Variants in RFT1 observed in about 807,000 individuals in gnomAD.
RFT1 encodes the protein RFT1 glycolipid translocator homolog, also known as man(5)GlcNAc(2)-PP-dolichol translocation protein RFT1.
Under a neutral mutation model 62.2 loss-of-function variants are expected in RFT1, and 43 were observed. The observed-to-expected ratio is 0.69, with a 90% CI of 0.54 to 0.89. The LOEUF is 0.89. Among genes scored for constraint, RFT1 ranks in the 40% least tolerant of loss-of-function variants. RFT1 has a pLI of 0.00. For synonymous variants in RFT1, 262 were observed against 264.6 expected (o/e 0.99, Z 0.10); for missense variants, 605 against 649.9 (o/e 0.93, Z 0.75).
In RFT1 at chr3:53,108,169, C is replaced by T. The variant is rs564468257; in HGVS notation, c.776-1300G>A. ...ACATAAGAGATTCTCCTGCCTCAGC[C>T]TCCTGAGTAGCTGGGATTACAGGTG... On this transcript the variant is annotated intron_variant, in intron 7 of 12. Coordinates refer to ENST00000296292, the MANE Select transcript of RFT1 (RefSeq NM_052859.4). Among the ~76,000 whole-genome samples the T allele has an allele frequency of 1.1e-4, 17 of 152,206 alleles. No individual in the cohort carries two copies. In the South Asian group the frequency reaches 3.5e-3, roughly 32 times the overall value.
chr3:53,114,752 G>C (rs887794030), intron 6 of RFT1, among the ~76,000 whole-genome samples: 4 of 152,080 alleles, frequency 2.6e-5, no homozygotes. Flanking sequence ...TACTAACGGA[G>C]AAATGGCGGC....
chr3:53,117,340 C>T (rs543889261), intron 6 of RFT1, among the ~76,000 whole-genome samples: 1 of 152,288 alleles, frequency 6.6e-6, no homozygotes, highest in South Asian at 2.1e-4. Context: ...CGTAGGCCAA[C>T]AATCTCACTT....
At chr3:53,114,955 C>T (rs937976887) in intron 6 of RFT1, among the ~76,000 whole-genome samples, 1 of 152,162 alleles carries the variant, frequency 6.6e-6, no homozygotes, top group Admixed American at 6.5e-5. Context: ...CTGTCCACTG[C>T]CCTCTGTCAC....
At position 53,128,036 on chromosome 3, in the gene RFT1, A is replaced by G. The variant is rs1430733006; in HGVS notation, c.64-2042T>C. ...AAAAAATCCGAGCGCGGTAGCTCAC[A>G]CCTGTAATGCCAGCACTTCGGGAGG... On this transcript the variant is annotated intron_variant, in intron 1 of 12. Transcript: ENST00000296292. Among the ~76,000 whole-genome samples, 3 of 152,022 alleles carry G rather than the reference A, an allele frequency of 2.0e-5. No individual in the cohort carries two copies. In the East Asian group the frequency reaches 5.8e-4, roughly 29 times the overall value.
At chr3:53,097,975 GAATCAATTTAGAGGGT>G (rs1701191515) in intron 11 of RFT1, among the ~76,000 whole-genome samples, 1 of 152,182 alleles carries the variant, frequency 6.6e-6, no homozygotes, top group African/African-American at 2.4e-5. Context: ...ACTAGGCTGG[GAATCAATTTAGAGGGT>G]AATGGCATGG....
intron 10 of RFT1, 67 bp from the exon 11 acceptor site, chr3:53,099,553 G>A: frequency 8.0e-7 from 1 of 1,244,114 alleles, no homozygotes; most frequent in Non-Finnish European, 1.2e-6. Flanking sequence ...CCTCAGTGCT[G>A]CTGAGTACCC....
At chr3:53,110,156 A>T (rs1701605938) in intron 7 of RFT1, among the ~76,000 whole-genome samples, 1 of 152,214 alleles carries the variant, frequency 6.6e-6, no homozygotes, top group African/African-American at 2.4e-5. Context: ...CTTGGACTGG[A>T]TCCATTCCTT....
chr3:53,107,977 C>A (rs1452238578), intron 7 of RFT1, among the ~76,000 whole-genome samples: 2 of 152,208 alleles, frequency 1.3e-5, no homozygotes, highest in Non-Finnish European at 2.9e-5. Context: ...TCCTCACAGG[C>A]CTGTGTCTCT....
intron 11 of RFT1, among the ~76,000 whole-genome samples, chr3:53,096,712 T>C (rs1451737939): frequency 2.0e-5 from 3 of 152,084 alleles, no homozygotes; most frequent in South Asian, 2.1e-4. Context: ...ATTCAAAGGA[T>C]GTTTTAATAT....
At chr3:53,118,038 C>T (rs563775651) in intron 6 of RFT1, among the ~76,000 whole-genome samples, 1 of 152,312 alleles carries the variant, frequency 6.6e-6, no homozygotes, top group Non-Finnish European at 1.5e-5. Context: ...TACAGGTGCA[C>T]ACCACTATAC....
Position 53,125,924 on chromosome 3 carries a change from C to T in RFT1, c.134G>A (p.Gly45Asp), listed in dbSNP as rs900064783. Residue 45 changes from glycine to aspartate, a missense_variant, in exon 2 of 13, where the codon GGC (glycine) becomes GAC (aspartate). Transcript: ENST00000296292. ...ILRFLSKEIV[G>D]VVNVRLTLLY... The stretch of plus-strand genomic sequence containing the variant: ...CTCCTCCTACCTTACATTTACTACG[C>T]CAACGATTTCCTTTGACAGGAAGCG... 1.9e-6 allele frequency: 3 copies of T among 1,613,576 alleles called. No individual in the cohort carries two copies. The African/African-American group carries it at 4.0e-5, about 22-fold the overall frequency.
chr3:53,078,913 C>T, the RFT1 span, among the ~76,000 whole-genome samples: 1 of 152,160 alleles, frequency 6.6e-6, no homozygotes. Context: ...GGCCCTGGAG[C>T]AAGAGTGAGC....
chr3:53,103,171 A>G (rs1701365228), intron 10 of RFT1: 2 of 985,444 alleles, frequency 2.0e-6, no homozygotes, highest in Non-Finnish European at 2.4e-6. Flanking sequence ...GTGGAGACTA[A>G]AACATGCTAG....
At chr3:53,076,154 G>A in the RFT1 span, among the ~76,000 whole-genome samples, 6 of 152,176 alleles carry the variant, frequency 3.9e-5, no homozygotes, top group East Asian at 1.9e-4. Flanking sequence ...TGTGGCTGCC[G>A]CCCCACTGGG....
intron 7 of RFT1, 25 bp downstream of exon 7, chr3:53,111,805 C>A: frequency 2.5e-6 from 4 of 1,595,244 alleles, no homozygotes; most frequent in Non-Finnish European, 2.6e-6. Flanking sequence ...GGTCTCCCGA[C>A]GATTCAGAGT....
intron 2 of RFT1, among the ~76,000 whole-genome samples, chr3:53,124,837 C>T (rs186118163): frequency 2.6e-4 from 39 of 151,976 alleles, no homozygotes; most frequent in Non-Finnish European, 5.3e-4. Flanking sequence ...TCAGGTGTGG[C>T]GGTGCACACC....
At chr3:53,126,409 C>CT (rs1355382310) in intron 1 of RFT1, among the ~76,000 whole-genome samples, 1 of 152,196 alleles carries the variant, frequency 6.6e-6, no homozygotes, top group Non-Finnish European at 1.5e-5. Flanking sequence ...AAGTGGGAGC[C>CT]TTAAGGGTAT....
Position 53,092,566 on chromosome 3 carries a change from G to C in RFT1, c.1261C>G (p.Leu421Val), listed in dbSNP as rs780283043. The C allele has an allele frequency of 1.2e-6, 2 of 1,612,744 alleles. No individual in the cohort carries two copies. Among genetic ancestry groups the C allele is most frequent in the Non-Finnish European group, 1.7e-6 (2 of 1,179,586 alleles). ...LSSSFLVLSYLLTRWCGSVGF... is the reference protein window; with the variant it reads ...LSSSFLVLSYVLTRWCGSVGF... ...ACGCTGCCACACCAACGGGTCAAGA[G>C]ATAGGATAACACCAGGAATGAGGAG... The change falls in exon 12 of 13, where the codon CTC becomes GTC. Residue 421 changes from leucine to valine, a missense_variant. Physicochemically the swap from Leu to Val is conservative, Grantham distance 32. Transcript: ENST00000296292.
chr3:53,121,591 G>A, intron 5 of RFT1, 108 bp downstream of exon 5: 1 of 878,600 alleles, frequency 1.1e-6, no homozygotes, highest in Non-Finnish European at 1.9e-6. Context: ...TCCACCTCCT[G>A]CACAGGCATG....
Sources: allele counts gnomAD v4.1 joint callset (sites outside exome capture counted in the v4.1 genomes callset), GRCh38; gene constraint gnomAD v4.1.1; transcripts MANE v1.5; gene names NCBI Gene and HGNC (gene_info 2026-07-23, HGNC 2026-07-21).